Variants in MTERF4 observed in about 807,000 individuals in gnomAD.
MTERF4 encodes the protein transcription termination factor 4, mitochondrial.
A neutral mutation model predicts 22.5 loss-of-function variants in MTERF4; 17 were observed. That is an observed-to-expected ratio of 0.75 (90% CI 0.52 to 1.13). MTERF4 has a LOEUF of 1.13. Among genes scored for constraint, MTERF4 ranks in the 50% most tolerant of loss-of-function variants. MTERF4 has a pLI of 0.00. For missense variants in MTERF4, 420 were observed against 466.8 expected, an observed-to-expected ratio of 0.90 and a Z score of 0.92; for synonymous variants, 165 against 175.3, an observed-to-expected ratio of 0.94 and a Z score of 0.47.
chr2:241,080,429 A>G (rs1206810827), intron 4 of MTERF4, among the ~76,000 whole-genome samples: 2 of 152,210 alleles, frequency 1.3e-5, no homozygotes, highest in Non-Finnish European at 2.9e-5. Context: ...GTGACATCCC[A>G]TAATAGGGAG....
At chr2:241,071,537 C>T (rs747031550), downstream of MTERF4, 28 of 1,559,706 alleles carry the variant, frequency 1.8e-5, no homozygotes, top group Admixed American at 2.0e-4. Context: ...GAGCAGAGGG[C>T]AGCCCCAGAC....
downstream of MTERF4, chr2:241,092,541 A>G (rs2064100539): frequency 1.3e-5 from 2 of 152,180 alleles, no homozygotes; most frequent in Non-Finnish European, 2.9e-5. This position sits in a 1 kb window ranked among gnomAD's most constrained non-coding sequence, Gnocchi z 4.6. Context: ...GACAAGTCAC[A>G]AGGGTATCAA....
chr2:241,068,462 G>T (rs1025131346), downstream of MTERF4, among the ~76,000 whole-genome samples: 2 of 152,130 alleles, frequency 1.3e-5, no homozygotes, highest in African/African-American at 4.8e-5. The surrounding 1 kb of genome is among the most constrained non-coding windows in gnomAD (Gnocchi z 5.3). Flanking sequence ...AGGCAGGGGT[G>T]CAGGAAAAGA....
At chr2:241,048,479 G>A in the MTERF4 span, 5 of 1,565,700 alleles carry the variant, frequency 3.2e-6, no homozygotes, top group Non-Finnish European at 4.3e-6. Context: ...TTAGGGCTGG[G>A]GCAGGAGACC....
the MTERF4 span, among the ~76,000 whole-genome samples, chr2:241,066,097 G>A: frequency 6.6e-6 from 1 of 152,168 alleles, no homozygotes; most frequent in Admixed American, 6.5e-5. Flanking sequence ...GCAGGCCCTA[G>A]ATGGAATGAC....
At chr2:241,097,501 A>G in intron 2 of MTERF4, 74 bp from the exon 3 acceptor site, 1 of 1,400,676 alleles carries the variant, frequency 7.1e-7, no homozygotes, top group Non-Finnish European at 9.8e-7. Flanking sequence ...GCTGCACCCA[A>G]TTTAAGTCCA....
the MTERF4 span, among the ~76,000 whole-genome samples, chr2:241,061,938 A>C: frequency 1.3e-5 from 2 of 152,212 alleles, no homozygotes; most frequent in African/African-American, 4.8e-5. Flanking sequence ...GAATGGGTGA[A>C]GTATGATATA....
At chr2:241,094,934 T>C (rs1272054373), downstream of MTERF4, 1 of 152,644 alleles carries the variant, frequency 6.6e-6, no homozygotes, top group Non-Finnish European at 1.5e-5. The surrounding 1 kb of genome is among the most constrained non-coding windows in gnomAD (Gnocchi z 4.3). Flanking sequence ...AGGACCCTCT[T>C]AGAGCTCATG....
downstream of MTERF4, among the ~76,000 whole-genome samples, chr2:241,071,070 T>C (rs530253291): frequency 2.7e-4 from 41 of 150,654 alleles, 1 homozygote; most frequent in South Asian, 8.5e-4. Context: ...GGCGTCAGAG[T>C]GAGAGGGAGA....
chr2:241,070,114 C>T (rs201532756), downstream of MTERF4: 15 of 1,612,792 alleles, frequency 9.3e-6, no homozygotes, highest in South Asian at 4.4e-5. Flanking sequence ...GCTGCCGGGA[C>T]GGCGGTACCA....
downstream of MTERF4, chr2:241,067,681 CA>C: frequency 8.0e-7 from 1 of 1,245,310 alleles, no homozygotes; most frequent in Non-Finnish European, 1.1e-6. Flanking sequence ...AGCACCCTCC[CA>C]AGCCTGGTTT....
At chr2:241,094,588 T>G (rs946160985), downstream of MTERF4, 1 of 354,712 alleles carries the variant, frequency 2.8e-6, no homozygotes, top group African/African-American at 2.2e-5. This position sits in a 1 kb window ranked among gnomAD's most constrained non-coding sequence, Gnocchi z 4.3. Flanking sequence ...CGATCCTAAG[T>G]CCATTTACCA....
chr2:241,084,241 A>G (rs1005738041), downstream of MTERF4, among the ~76,000 whole-genome samples: 1 of 151,250 alleles, frequency 6.6e-6, no homozygotes, highest in African/African-American at 2.4e-5. Context: ...GGTTCAAGCA[A>G]TTCTCCTGCC....
At chr2:241,072,135 C>G (rs1232472009), downstream of MTERF4, 1 of 692,056 alleles carries the variant, frequency 1.4e-6, no homozygotes, top group African/African-American at 1.8e-5. Flanking sequence ...TGGTAGGGCA[C>G]GCAAGAGAAG....
chr2:241,096,224 C>T lies in MTERF4; in HGVS notation c.920G>A (p.Cys307Tyr). Reference sequence around the variant, plus strand: ...AACTTGAAACTCCTCAACAGAAGTACAGGCTGTCCTGGCCAAAAACTCAGC... The same window carrying T: ...AACTTGAAACTCCTCAACAGAAGTATAGGCTGTCCTGGCCAAAAACTCAGC... The part of the protein sequence containing the change: ...SEAEFLARTA[C>Y]TSVEEFQVFK... The change falls in exon 4 of 4, where the codon TGT (cysteine) becomes TAT (tyrosine). Residue 307 changes from cysteine (C) to tyrosine (Y), a missense_variant. Transcript: ENST00000391980. The surrounding 1 kb of genome is among the most constrained non-coding windows in gnomAD (Gnocchi z 5.1). 6.2e-7 allele frequency: 1 copy of T among 1,614,214 alleles called. No individual in the cohort carries two copies. Among genetic ancestry groups the T allele is most frequent in the Non-Finnish European group, 8.5e-7 (1 of 1,180,046 alleles).
downstream of MTERF4, chr2:241,090,552 T>C (rs2063881873): frequency 9.1e-6 from 12 of 1,316,856 alleles, no homozygotes; most frequent in African/African-American, 1.5e-5. Context: ...TAGACTTCTA[T>C]ACACAGGGCA....
chr2:241,063,048 TC>T, the MTERF4 span: 1 of 605,072 alleles, frequency 1.7e-6, no homozygotes, highest in South Asian at 2.0e-5. Flanking sequence ...AGCTCTGACA[TC>T]CAAGACAAAG....
At chr2:241,094,515 G>A, downstream of MTERF4, 1 of 396,150 alleles carries the variant, frequency 2.5e-6, no homozygotes. This position sits in a 1 kb window ranked among gnomAD's most constrained non-coding sequence, Gnocchi z 4.3. Context: ...GTATTCCAGT[G>A]CATAGGGGAA....
the MTERF4 span, chr2:241,065,618 G>A: frequency 3.4e-4 from 546 of 1,603,784 alleles, 1 homozygote; most frequent in Middle Eastern, 8.0e-4. Context: ...GAGCCTGGCC[G>A]TCCCTGCCCA....
Sources: allele counts gnomAD v4.1 joint callset (sites outside exome capture counted in the v4.1 genomes callset), GRCh38; gene constraint gnomAD v4.1.1; non-coding constraint Gnocchi (gnomAD v3.1); transcripts MANE v1.5; gene names NCBI Gene and HGNC (gene_info 2026-07-23, HGNC 2026-07-21).